Variants in PPP3CA observed in about 807,000 individuals in gnomAD.
PPP3CA encodes CAM-PRP catalytic subunit.
A neutral mutation model predicts 66.5 loss-of-function variants in PPP3CA; 14 were observed. That is an observed-to-expected ratio of 0.21 (90% confidence interval 0.14 to 0.33). The LOEUF (loss-of-function observed/expected upper bound fraction) is 0.33. PPP3CA is among the 10% of genes least tolerant of loss of function. The pLI is 1.00. For synonymous variants in PPP3CA, 232 were observed against 226.2 expected, an observed-to-expected ratio of 1.03 and a Z score of -0.23; for missense variants, 317 against 639.5, an observed-to-expected ratio of 0.50 and a Z score of 5.44.
Position 101,317,253 on chromosome 4 carries a change from A to AACACACACACACACACAC in PPP3CA, c.58+29468_58+29485dup, listed in dbSNP as rs3840161. On this transcript the variant is annotated intron_variant, in intron 1 of 13. Coordinates refer to ENST00000394854, the MANE Select transcript of PPP3CA (RefSeq NM_000944.5). ...GGAGGCCCCTTAACTCGGTACTCCC[A>AACACACACACACACACAC]ACACACACACACACACACACACACA... Among the ~76,000 whole-genome samples, 467 of 145,402 alleles carry AACACACACACACACACAC rather than the reference A, an allele frequency of 3.2e-3. 1 individual carries two copies. Among genetic ancestry groups the AACACACACACACACACAC allele is most frequent in the African/African-American group, 0.011 (436 of 38,690 alleles).
intron 3 of PPP3CA, chr4:101,108,257 A>C (rs1721505224): frequency 6.6e-6 from 1 of 152,260 alleles, no homozygotes; most frequent in Admixed American, 6.5e-5. Flanking sequence ...GCAGTTTGCT[A>C]TCAATTTACA....
At chr4:101,208,532 T>G (rs527844616) in intron 1 of PPP3CA, among the ~76,000 whole-genome samples, 1 of 152,206 alleles carries the variant, frequency 6.6e-6, no homozygotes, top group South Asian at 2.1e-4. Context: ...TATTTCACGA[T>G]AGTCCTAAGG....
At chr4:101,109,308 T>TAAAAAAAAAAAAAAAAAAATAAA (rs1721574418) in intron 2 of PPP3CA, among the ~76,000 whole-genome samples, 1 of 90,060 alleles carries the variant, frequency 1.1e-5, no homozygotes, top group African/African-American at 4.2e-5. Context: ...ACAGATTAAC[T>TAAAAAAAAAAAAAAAAAAATAAA]AAAAAAAAAA....
At chr4:101,135,158 T>C (rs1367835296) in intron 2 of PPP3CA, among the ~76,000 whole-genome samples, 1 of 151,798 alleles carries the variant, frequency 6.6e-6, no homozygotes, top group Non-Finnish European at 1.5e-5. Flanking sequence ...CGATGGCACA[T>C]GTATACCTAT....
At chr4:101,053,865 A>G (rs913393512) in intron 10 of PPP3CA, among the ~76,000 whole-genome samples, 1 of 152,044 alleles carries the variant, frequency 6.6e-6, no homozygotes. Context: ...TTTCTTAACA[A>G]TATTTTTGTT....
intron 1 of PPP3CA, among the ~76,000 whole-genome samples, chr4:101,236,051 A>C (rs1726118836): frequency 6.6e-6 from 1 of 151,880 alleles, no homozygotes; most frequent in Non-Finnish European, 1.5e-5. Flanking sequence ...AAAGAAAAGG[A>C]ATAAGACAGA....
chr4:101,046,394 C>T (rs1226268569), intron 10 of PPP3CA, among the ~76,000 whole-genome samples: 1 of 152,004 alleles, frequency 6.6e-6, no homozygotes, highest in Non-Finnish European at 1.5e-5. Context: ...AGACCTTTCC[C>T]AATTGATCAT....
At chr4:101,127,788 T>C (rs146781603) in intron 2 of PPP3CA, among the ~76,000 whole-genome samples, 45 of 152,350 alleles carry the variant, frequency 3.0e-4, no homozygotes, top group Admixed American at 1.0e-3. Flanking sequence ...TCTTAAAATA[T>C]GTCAAGCAAT....
chr4:101,067,308 T>C (rs1204467615), intron 8 of PPP3CA, among the ~76,000 whole-genome samples: 1 of 152,114 alleles, frequency 6.6e-6, no homozygotes, highest in Non-Finnish European at 1.5e-5. Context: ...CTGTAAAAGA[T>C]GTAAAATTAG....
At chr4:101,340,617 G>A (rs1163727266) in intron 1 of PPP3CA, among the ~76,000 whole-genome samples, 1 of 152,094 alleles carries the variant, frequency 6.6e-6, no homozygotes, top group African/African-American at 2.4e-5. Context: ...TCATATAAAA[G>A]ATGGAATTAT....
At chr4:101,079,609 C>CT (rs1729349567) in intron 8 of PPP3CA, among the ~76,000 whole-genome samples, 1 of 152,092 alleles carries the variant, frequency 6.6e-6, no homozygotes, top group Admixed American at 6.5e-5. Flanking sequence ...TCTCGATCTC[C>CT]TGACTTCGTG....
Position 101,304,702 on chromosome 4 carries a change from G to A in PPP3CA, c.58+42037C>T, listed in dbSNP as rs564668848. Reference sequence around the variant, plus strand: ...ATTTACATATCTAATAGGTTTTAATGTAAAAACTTAAAACTTCTAGGATAG... The same window carrying A: ...ATTTACATATCTAATAGGTTTTAATATAAAAACTTAAAACTTCTAGGATAG... On this transcript the variant is annotated intron_variant, in intron 1 of 13. Transcript: ENST00000394854. 2.0e-5 allele frequency among the ~76,000 whole-genome samples: 3 copies of A among 152,204 alleles called. No homozygotes were observed. In the South Asian group the frequency reaches 6.2e-4, roughly 32 times the overall value.
chr4:101,150,249 C>T (rs1723095038), intron 2 of PPP3CA, among the ~76,000 whole-genome samples: 1 of 152,058 alleles, frequency 6.6e-6, no homozygotes, highest in South Asian at 2.1e-4. Flanking sequence ...TTTATTCTTC[C>T]TAGGTCTTTA....
At chr4:101,335,538 C>G (rs1251433692) in intron 1 of PPP3CA, among the ~76,000 whole-genome samples, 1 of 142,350 alleles carries the variant, frequency 7.0e-6, no homozygotes, top group Non-Finnish European at 1.5e-5. Flanking sequence ...CGTCTGCTAT[C>G]TAGGTTTTAC....
In PPP3CA at chr4:101,154,602, G is replaced by A. The variant is rs574432435; in HGVS notation, c.259+41314C>T. Among the ~76,000 whole-genome samples the A allele has an allele frequency of 2.2e-3, 333 of 152,138 alleles. 1 individual carries two copies. The highest frequency in any genetic ancestry group is 7.5e-3 in the African/African-American group (311 of 41,490). On this transcript the variant is annotated intron_variant, in intron 2 of 13. Transcript: ENST00000394854. Reference sequence around the variant, plus strand: ...TCACAGAGATAATAGAGAGTCACTGGATTTTAGAAATTGCTGCTTAGACTC... The same window carrying A: ...TCACAGAGATAATAGAGAGTCACTGAATTTTAGAAATTGCTGCTTAGACTC...
chr4:101,094,434 T>C (rs1489167520), intron 5 of PPP3CA, among the ~76,000 whole-genome samples: 1 of 152,202 alleles, frequency 6.6e-6, no homozygotes, highest in Non-Finnish European at 1.5e-5. Flanking sequence ...TTTAAGAACA[T>C]GATTTTGAGA....
At chr4:101,045,499 G>A (rs1455563950) in intron 10 of PPP3CA, among the ~76,000 whole-genome samples, 1 of 152,146 alleles carries the variant, frequency 6.6e-6, no homozygotes, top group Non-Finnish European at 1.5e-5. Flanking sequence ...CAGTGAAATG[G>A]TGACAGTCAA....
chr4:101,047,844 G>T (rs1046712045), intron 10 of PPP3CA, among the ~76,000 whole-genome samples: 1 of 151,654 alleles, frequency 6.6e-6, no homozygotes, highest in African/African-American at 2.4e-5. Context: ...AAATTCCTTT[G>T]GAATAAATAA....
intron 1 of PPP3CA, among the ~76,000 whole-genome samples, chr4:101,291,922 G>C (rs534591707): frequency 7.2e-5 from 11 of 152,168 alleles, no homozygotes; most frequent in Admixed American, 6.5e-5. Flanking sequence ...TGAGCCCACG[G>C]GTTTGAGACT....
Sources: gnomAD v4.1 joint callset for allele counts (sites outside exome capture counted in the v4.1 genomes callset) on GRCh38, gnomAD v4.1.1 for gene constraint, MANE v1.5 for transcripts, NCBI Gene and HGNC (gene_info 2026-07-23, HGNC 2026-07-21) for gene names.